STIM2: variants seen among roughly 807,000 people sequenced by gnomAD.
STIM2 encodes the protein stromal interaction molecule 2.
A neutral mutation model predicts 85.8 loss-of-function variants in STIM2; 31 were observed. The ratio of observed to expected loss-of-function variants is 0.36; its 90% CI spans 0.27 to 0.49. STIM2 has a LOEUF of 0.49. Ranked by LOEUF, STIM2 falls within the 20% of genes least tolerant of loss-of-function variation. The probability of loss-of-function intolerance (pLI) is 0.98; values close to 1 mark genes in which losing one functional copy is unlikely to be tolerated. For missense variants in STIM2, 841 were observed against 927.6 expected, an observed-to-expected ratio of 0.91 and a Z score of 1.21; for synonymous variants, 356 against 331.1, an observed-to-expected ratio of 1.08 and a Z score of -0.82.
chr4:27,003,143 A>G, intron 7 of STIM2, 39 bp downstream of exon 7: 2 of 1,534,800 alleles, frequency 1.3e-6, no homozygotes, highest in Non-Finnish European at 1.7e-6. Context: ...TAAAGATGTT[A>G]ACATTGCCAC....
intron 1 of STIM2, among the ~76,000 whole-genome samples, chr4:26,891,152 AGTT>A (rs1723461845): frequency 2.6e-5 from 4 of 152,234 alleles, no homozygotes. Context: ...TGTGGTGTCC[AGTT>A]GTTTGGTCAA....
At chr4:26,916,068 C>T (rs984370664) in intron 1 of STIM2, among the ~76,000 whole-genome samples, 1 of 152,032 alleles carries the variant, frequency 6.6e-6, no homozygotes, top group South Asian at 2.1e-4. Context: ...AGGCACAGAC[C>T]TTTTTTAGCA....
intron 3 of STIM2, among the ~76,000 whole-genome samples, chr4:26,974,952 C>G (rs1438185729): frequency 6.6e-6 from 1 of 152,018 alleles, no homozygotes; most frequent in Non-Finnish European, 1.5e-5. Flanking sequence ...ACTCTTTTTT[C>G]TCTGACCTTG....
At chr4:26,875,425 A>C (rs940841665) in intron 1 of STIM2, among the ~76,000 whole-genome samples, 1 of 152,116 alleles carries the variant, frequency 6.6e-6, no homozygotes, top group African/African-American at 2.4e-5. Context: ...GAAGTCTTTA[A>C]GTTTGTTTTC....
At chr4:26,905,490 G>A (rs1356777582) in intron 1 of STIM2, among the ~76,000 whole-genome samples, 2 of 152,144 alleles carry the variant, frequency 1.3e-5, no homozygotes, top group East Asian at 1.9e-4. Flanking sequence ...TGAAGATAGA[G>A]CCAGATTTCC....
chr4:26,929,359 G>A (rs1166829400), intron 2 of STIM2, among the ~76,000 whole-genome samples: 2 of 151,988 alleles, frequency 1.3e-5, no homozygotes, highest in Non-Finnish European at 2.9e-5. Context: ...TTCAATATAG[G>A]TGCATTTTGG....
At chr4:26,988,678 C>A (rs987891990) in intron 3 of STIM2, among the ~76,000 whole-genome samples, 1 of 152,124 alleles carries the variant, frequency 6.6e-6, no homozygotes, top group Non-Finnish European at 1.5e-5. Flanking sequence ...CTTTTAGATT[C>A]AATATGATGA....
intron 3 of STIM2, among the ~76,000 whole-genome samples, chr4:26,968,651 T>G (rs575377622): frequency 1.8e-4 from 28 of 152,344 alleles, no homozygotes; most frequent in Non-Finnish European, 3.5e-4. Context: ...CTGAATTGTA[T>G]ACTTAAAATT....
chr4:26,978,237 C>T (rs917085735), intron 3 of STIM2, among the ~76,000 whole-genome samples: 2 of 147,234 alleles, frequency 1.4e-5, no homozygotes, highest in Non-Finnish European at 1.5e-5. Flanking sequence ...ATCATATATA[C>T]ATATATACAC....
At chr4:26,999,113 C>T (rs1728059491) in intron 4 of STIM2, 119 bp from the exon 5 acceptor site, 3 of 349,352 alleles carry the variant, frequency 8.6e-6, no homozygotes, top group Non-Finnish European at 1.5e-5. Flanking sequence ...TGAGCTCCAA[C>T]AGTGATCATC....
chr4:26,894,042 C>G (rs1249256462), intron 1 of STIM2, among the ~76,000 whole-genome samples: 1 of 152,156 alleles, frequency 6.6e-6, no homozygotes, highest in African/African-American at 2.4e-5. Flanking sequence ...GTGCCCGCCA[C>G]TGCGCCAGGC....
At chr4:26,970,675 T>G (rs562361851) in intron 3 of STIM2, among the ~76,000 whole-genome samples, 1 of 152,344 alleles carries the variant, frequency 6.6e-6, no homozygotes, top group African/African-American at 2.4e-5. Context: ...TCCAAGTCTT[T>G]GCTATTGTGA....
chr4:26,989,644 G>T (rs1451203287), intron 3 of STIM2, among the ~76,000 whole-genome samples: 1 of 152,112 alleles, frequency 6.6e-6, no homozygotes, highest in Admixed American at 6.5e-5. Flanking sequence ...TAAATAAAAG[G>T]CATTCAAATT....
At position 26,875,652 on chromosome 4, in the gene STIM2, A is replaced by G. The variant is rs1160631953; in HGVS notation, c.151+14283A>G. ...GTCAGTCTTCAAGATTTCTAGACAA[A>G]TGGGAGCTGTTTTTAGTTAAATACA... On this transcript the variant is annotated intron_variant, in intron 1 of 11. Coordinates refer to ENST00000467087, the MANE Select transcript of STIM2 (RefSeq NM_020860.4). Among the ~76,000 whole-genome samples, 3 of 152,192 alleles carry G rather than the reference A, an allele frequency of 2.0e-5. No homozygotes were observed. The East Asian group carries it at 5.8e-4, about 29-fold the overall frequency.
At chr4:27,020,966 C>G (rs1560243547) in intron 11 of STIM2, 2 of 1,531,314 alleles carry the variant, frequency 1.3e-6, no homozygotes, top group African/African-American at 2.7e-5. Context: ...CTCTCCCTTT[C>G]ATTTCTCAAT....
chr4:27,013,097 T>A (rs921248441), intron 10 of STIM2, among the ~76,000 whole-genome samples: 8 of 151,940 alleles, frequency 5.3e-5, no homozygotes, highest in Non-Finnish European at 1.0e-4. Context: ...TGACACTATC[T>A]TAGATTTTGG....
chr4:26,980,644 A>G lies in STIM2; in HGVS notation c.398-14735A>G, dbSNP rs79440440. Among the ~76,000 whole-genome samples, 207 of 152,276 alleles carry G rather than the reference A, an allele frequency of 1.4e-3. 1 individual carries two copies. The highest frequency in any genetic ancestry group is 4.8e-3 in the African/African-American group (199 of 41,528). On this transcript the variant is annotated intron_variant, in intron 3 of 11. Coordinates refer to ENST00000467087, the MANE Select transcript of STIM2 (RefSeq NM_020860.4). ...AGATTGTTGTAAATTCTAGCCCATA[A>G]AAGTTGAGAAATGGAAAAGTTTAAG...
chr4:26,879,643 G>C (rs771234613), intron 1 of STIM2, among the ~76,000 whole-genome samples: 1 of 152,096 alleles, frequency 6.6e-6, no homozygotes, highest in African/African-American at 2.4e-5. Context: ...TAAGTATCAT[G>C]CCCATTATCT....
At chr4:27,009,907 TC>T (rs1454645685) in intron 10 of STIM2, among the ~76,000 whole-genome samples, 1 of 152,252 alleles carries the variant, frequency 6.6e-6, no homozygotes, top group Non-Finnish European at 1.5e-5. Context: ...CTCCTTAAAA[TC>T]CGTGTTTAAT....
Sources: gnomAD v4.1 joint callset for allele counts (sites outside exome capture counted in the v4.1 genomes callset) on GRCh38, gnomAD v4.1.1 for gene constraint, MANE v1.5 for transcripts, NCBI Gene and HGNC (gene_info 2026-07-23, HGNC 2026-07-21) for gene names.